Variants in FAF1 observed in about 807,000 individuals in gnomAD.
FAF1 encodes FAS-associated factor 1.
FAF1 carries 25 observed loss-of-function variants against 92.5 expected under a neutral mutation model. The observed-to-expected ratio is 0.27, with a 90% CI of 0.20 to 0.38. The LOEUF (loss-of-function observed/expected upper bound fraction) is 0.38. Ranked by LOEUF, FAF1 falls within the 10% of genes least tolerant of loss-of-function variation. The pLI, the probability that FAF1 is intolerant of heterozygous loss-of-function variation, is 1.00. For synonymous variants in FAF1, 234 were observed against 273.2 expected, an observed-to-expected ratio of 0.86 and a Z score of 1.42; for missense variants, 636 against 793.3, an observed-to-expected ratio of 0.80 and a Z score of 2.38.
At chr1:50,489,610 T>C (rs1646806368) in intron 17 of FAF1, among the ~76,000 whole-genome samples, 1 of 152,228 alleles carries the variant, frequency 6.6e-6, no homozygotes, top group Non-Finnish European at 1.5e-5. Context: ...TGCATCACTG[T>C]TCCCTAACAG....
chr1:50,732,832 G>C (rs1658985599), intron 6 of FAF1, among the ~76,000 whole-genome samples: 1 of 150,036 alleles, frequency 6.7e-6, no homozygotes, highest in African/African-American at 2.4e-5. Context: ...GCTGTTTGCT[G>C]ATGTATTGAC....
intron 12 of FAF1, among the ~76,000 whole-genome samples, chr1:50,579,242 C>T (rs1484808246): frequency 6.6e-6 from 1 of 152,056 alleles, no homozygotes; most frequent in Non-Finnish European, 1.5e-5. Context: ...CTACGATATA[C>T]TGTATTTTTA....
intron 6 of FAF1, among the ~76,000 whole-genome samples, chr1:50,727,540 C>T (rs1314728029): frequency 1.3e-5 from 2 of 152,138 alleles, no homozygotes; most frequent in East Asian, 1.9e-4. Flanking sequence ...CAGTGAACAA[C>T]AAAAAATCCC....
At chr1:50,956,896 C>T (rs940942717) in intron 1 of FAF1, among the ~76,000 whole-genome samples, 2 of 152,060 alleles carry the variant, frequency 1.3e-5, no homozygotes, top group Non-Finnish European at 1.5e-5. Context: ...TGCAGTGAGG[C>T]GAGATCATGC....
intron 7 of FAF1, among the ~76,000 whole-genome samples, chr1:50,669,555 T>C (rs1655777346): frequency 6.6e-6 from 1 of 151,450 alleles, no homozygotes; most frequent in African/African-American, 2.4e-5. Flanking sequence ...AAACATATAG[T>C]TGATAAAAAA....
intron 2 of FAF1, among the ~76,000 whole-genome samples, chr1:50,807,993 T>C (rs532454665): frequency 1.3e-5 from 2 of 152,062 alleles, no homozygotes; most frequent in Admixed American, 6.5e-5. Context: ...AGATAAAATA[T>C]TAAAGGCAGC....
chr1:50,930,429 T>G (rs1333792151), intron 1 of FAF1, among the ~76,000 whole-genome samples: 1 of 152,188 alleles, frequency 6.6e-6, no homozygotes, highest in African/African-American at 2.4e-5. Flanking sequence ...TCAAATGCAG[T>G]TTTACCATTT....
chr1:50,577,792 G>C lies in FAF1; in HGVS notation c.1113+4826C>G, dbSNP rs191493195. Among the ~76,000 whole-genome samples, 872 of 152,278 alleles carry C rather than the reference G, an allele frequency of 5.7e-3. 7 individuals carry two copies. Among genetic ancestry groups the C allele is most frequent in the Non-Finnish European group, 7.4e-3 (505 of 68,024 alleles). On this transcript the variant is annotated intron_variant, in intron 12 of 18. Transcript: ENST00000396153. ...AGGAAGGAAGTCATAAAACTGATCA[G>C]TACATTATCAGAAGTCAATACTTTG...
At chr1:50,636,423 T>C (rs547718345) in intron 8 of FAF1, among the ~76,000 whole-genome samples, 1 of 135,866 alleles carries the variant, frequency 7.4e-6, no homozygotes, top group African/African-American at 2.7e-5. Flanking sequence ...GTCTCCTCTA[T>C]CATCCTGGCT....
chr1:50,879,836 G>A (rs1435026758), intron 1 of FAF1, among the ~76,000 whole-genome samples: 1 of 152,170 alleles, frequency 6.6e-6, no homozygotes, highest in African/African-American at 2.4e-5. Context: ...TCTGATGCAA[G>A]CTAAAGTTTA....
intron 2 of FAF1, among the ~76,000 whole-genome samples, chr1:50,841,287 A>G (rs919984067): frequency 5.9e-5 from 9 of 152,038 alleles, no homozygotes; most frequent in Non-Finnish European, 1.3e-4. Context: ...TCTCATCTAT[A>G]GGCTTCAAAA....
intron 13 of FAF1, among the ~76,000 whole-genome samples, chr1:50,554,413 A>T (rs1309750793): frequency 6.7e-6 from 1 of 148,962 alleles, no homozygotes; most frequent in Non-Finnish European, 1.5e-5. Flanking sequence ...AGAGAGAGAG[A>T]GAGTCTTAAA....
chr1:50,764,557 T>C (rs1230623445), intron 4 of FAF1, among the ~76,000 whole-genome samples: 2 of 152,186 alleles, frequency 1.3e-5, no homozygotes, highest in Non-Finnish European at 2.9e-5. Flanking sequence ...GACTGTTGTA[T>C]AGAAATTTTC....
intron 13 of FAF1, among the ~76,000 whole-genome samples, chr1:50,550,016 C>T (rs561059593): frequency 1.4e-3 from 209 of 152,120 alleles, no homozygotes; most frequent in African/African-American, 4.8e-3. Flanking sequence ...ATAATGTCCT[C>T]ATGTATTTGA....
intron 8 of FAF1, among the ~76,000 whole-genome samples, chr1:50,609,601 C>T (rs1285488775): frequency 3.9e-5 from 6 of 152,032 alleles, no homozygotes; most frequent in South Asian, 2.1e-4. Context: ...ACACTGGTCT[C>T]GAACTCCTGG....
chr1:50,906,045 T>A (rs1367017562), intron 1 of FAF1, among the ~76,000 whole-genome samples: 1 of 152,212 alleles, frequency 6.6e-6, no homozygotes, highest in African/African-American at 2.4e-5. Flanking sequence ...CACCTTGAAT[T>A]AATTTTTGTA....
intron 8 of FAF1, among the ~76,000 whole-genome samples, chr1:50,651,921 A>G (rs1569680392): frequency 6.6e-6 from 1 of 152,230 alleles, no homozygotes; most frequent in Non-Finnish European, 1.5e-5. Context: ...TCTCCTCAGA[A>G]TACTAGTTAT....
At chr1:50,790,250 T>A (rs2124576640) in intron 3 of FAF1, among the ~76,000 whole-genome samples, 1 of 152,270 alleles carries the variant, frequency 6.6e-6, no homozygotes, top group Non-Finnish European at 1.5e-5. Flanking sequence ...CAAGTGATTC[T>A]CCTACCTCAG....
chr1:50,586,040 G>A (rs941895454), intron 9 of FAF1, among the ~76,000 whole-genome samples: 1 of 152,036 alleles, frequency 6.6e-6, no homozygotes, highest in Non-Finnish European at 1.5e-5. Flanking sequence ...GTGACAGAGT[G>A]AGACCCTGGC....
Sources: gnomAD v4.1 joint callset for allele counts (sites outside exome capture counted in the v4.1 genomes callset) on GRCh38, gnomAD v4.1.1 for gene constraint, MANE v1.5 for transcripts, NCBI Gene and HGNC (gene_info 2026-07-23, HGNC 2026-07-21) for gene names.